IL16: variants seen among roughly 807,000 people sequenced by gnomAD.
IL16 encodes pro-interleukin-16.
In IL16, 67 loss-of-function variants were observed where a neutral mutation model predicts 110.1. The ratio of observed to expected loss-of-function variants is 0.61; its 90% CI spans 0.50 to 0.75. The LOEUF is 0.75. IL16 is among the 30% of genes least tolerant of loss of function. The pLI is 0.00. For synonymous variants in IL16, 689 were observed against 662.9 expected, an observed-to-expected ratio of 1.04 and a Z score of -0.61; for missense variants, 1,545 against 1,655.0, an observed-to-expected ratio of 0.93 and a Z score of 1.15.
Position 81,292,952 on chromosome 15 carries a change from A to G in IL16, c.1817A>G (p.Lys606Arg), listed in dbSNP as rs1340533977. ...AAGCCTCCACCCAGAAAATACTTTA[A>G]AAGTGACAGTGACCCTCAGAAGAGT... ...KPKPPPRKYFKSDSDPQKSLE... is the reference protein window; with the variant it reads ...KPKPPPRKYFRSDSDPQKSLE... Residue 606 changes from lysine to arginine, a missense_variant, in exon 12 of 19, where the codon AAA (lysine) becomes AGA (arginine). Lys to Arg is a conservative substitution (Grantham distance 26). Transcript: ENST00000683961. 14 of 1,614,192 alleles carry G rather than the reference A, an allele frequency of 8.7e-6. No homozygotes were observed. The highest frequency in any genetic ancestry group is 3.3e-5 in the Admixed American group (2 of 60,034).
intron 2 of IL16, among the ~76,000 whole-genome samples, chr15:81,243,857 A>T (rs895512960): frequency 6.6e-6 from 1 of 151,982 alleles, no homozygotes; most frequent in Admixed American, 6.6e-5. Flanking sequence ...GTAGCATTTC[A>T]TTATTATCCT....
At chr15:81,186,353 G>C (rs1895418887) in intron 1 of IL16, among the ~76,000 whole-genome samples, 1 of 152,206 alleles carries the variant, frequency 6.6e-6, no homozygotes, top group Admixed American at 6.5e-5. Context: ...GTTTAACCAG[G>C]TGGTGAGTGG....
chr15:81,192,374 G>A (rs1196750131), upstream of IL16, among the ~76,000 whole-genome samples: 1 of 152,140 alleles, frequency 6.6e-6, no homozygotes, highest in Non-Finnish European at 1.5e-5. Flanking sequence ...GCCAAGGAAG[G>A]AGGACTGCTT....
intron 1 of IL16, among the ~76,000 whole-genome samples, chr15:81,203,462 A>T (rs1454893703): frequency 1.3e-5 from 2 of 152,024 alleles, no homozygotes; most frequent in Admixed American, 6.6e-5. Context: ...TAGGTCTAAC[A>T]TTTAAGTCTT....
intron 1 of IL16, among the ~76,000 whole-genome samples, chr15:81,207,095 G>C (rs964866667): frequency 1.3e-5 from 2 of 151,846 alleles, no homozygotes; most frequent in African/African-American, 4.8e-5. Context: ...AATTAGCCAG[G>C]CGTGGTGGTG....
intron 3 of IL16, among the ~76,000 whole-genome samples, chr15:81,264,215 C>G (rs1898276986): frequency 6.6e-6 from 1 of 152,120 alleles, no homozygotes; most frequent in East Asian, 1.9e-4. Flanking sequence ...CTTCCTCTCC[C>G]TCCTGGTCCA....
chr15:81,269,724 G>T (rs1045017750), intron 5 of IL16, 76 bp downstream of exon 5: 1 of 1,065,680 alleles, frequency 9.4e-7, no homozygotes, highest in Non-Finnish European at 1.5e-6. Flanking sequence ...GTCCAGGGAA[G>T]GATGGGAATA....
chr15:81,224,836 A>G (rs1234632966), intron 1 of IL16, among the ~76,000 whole-genome samples: 5 of 152,210 alleles, frequency 3.3e-5, no homozygotes, highest in Non-Finnish European at 2.9e-5. Context: ...CAAGGGGACC[A>G]GGAAAGTGGA....
chr15:81,283,917 C>T (rs902763042), intron 9 of IL16, among the ~76,000 whole-genome samples: 2 of 150,446 alleles, frequency 1.3e-5, no homozygotes, highest in East Asian at 2.0e-4. Flanking sequence ...GCAGGAGGCT[C>T]ACTTGAGCCA....
intron 2 of IL16, among the ~76,000 whole-genome samples, chr15:81,238,135 C>T (rs1474351249): frequency 6.6e-6 from 1 of 152,204 alleles, no homozygotes; most frequent in South Asian, 2.1e-4. Flanking sequence ...AACTCCTGAC[C>T]TCGTGATCCA....
rs79837781 is a variant in IL16, at chr15:81,189,361, T to C, written c.40+6465T>C. On this transcript the variant is annotated intron_variant, in intron 1 of 18. Transcript: ENST00000302987. ...CTTGTGTCCAACTCCTGATCTCAAA[T>C]GATCCACCTGCCTTGGTCTCCTAAA... Among the ~76,000 whole-genome samples the C allele has an allele frequency of 2.6e-3, 389 of 152,222 alleles. 13 individuals are homozygous for C. In the East Asian group the frequency reaches 0.059, roughly 23 times the overall value.
chr15:81,230,398 T>C (rs961615651), intron 2 of IL16, among the ~76,000 whole-genome samples: 1 of 152,198 alleles, frequency 6.6e-6, no homozygotes, highest in African/African-American at 2.4e-5. Context: ...CCTCTCCTCT[T>C]TCCTCTCTTC....
intron 14 of IL16, among the ~76,000 whole-genome samples, chr15:81,301,089 C>G (rs750196462): frequency 1.3e-5 from 2 of 152,124 alleles, no homozygotes; most frequent in Non-Finnish European, 2.9e-5. Context: ...CCATAGGGTC[C>G]CTGCTGTAGG....
intron 1 of IL16, among the ~76,000 whole-genome samples, chr15:81,189,242 G>A (rs1595931514): frequency 6.6e-6 from 1 of 151,214 alleles, no homozygotes; most frequent in East Asian, 2.0e-4. Context: ...TTTTGCCTCA[G>A]CCTCCCGAGT....
chr15:81,183,275 C>T (rs1354956879), intron 1 of IL16, among the ~76,000 whole-genome samples: 1 of 152,170 alleles, frequency 6.6e-6, no homozygotes, highest in African/African-American at 2.4e-5. Flanking sequence ...AAAACGCTAG[C>T]TGTCAGGGTC....
intron 18 of IL16, 171 bp downstream of exon 18, chr15:81,306,716 C>T: frequency 1.3e-6 from 1 of 790,460 alleles, no homozygotes; most frequent in Non-Finnish European, 2.2e-6. Flanking sequence ...ACTTTTTCTC[C>T]TTTGCTCAGA....
intron 12 of IL16, among the ~76,000 whole-genome samples, chr15:81,294,168 G>A (rs912387773): frequency 6.6e-6 from 1 of 152,196 alleles, no homozygotes; most frequent in African/African-American, 2.4e-5. Flanking sequence ...GAGTAGGAGG[G>A]GTGAAAGTGA....
chr15:81,281,498 C>T (rs903482227), intron 8 of IL16, among the ~76,000 whole-genome samples: 10 of 152,210 alleles, frequency 6.6e-5, no homozygotes, highest in South Asian at 2.1e-4. Flanking sequence ...CTCTGGGTTC[C>T]GGCTTCATCT....
chr15:81,286,915 AAGAG>A (rs1314877759), intron 10 of IL16, among the ~76,000 whole-genome samples: 1 of 152,198 alleles, frequency 6.6e-6, no homozygotes, highest in African/African-American at 2.4e-5. Flanking sequence ...GATGGCAGAC[AAGAG>A]AGAATAAGAG....
Sources: gnomAD v4.1 joint callset for allele counts (sites outside exome capture counted in the v4.1 genomes callset) on GRCh38, gnomAD v4.1.1 for gene constraint, MANE v1.5 for transcripts, NCBI Gene and HGNC (gene_info 2026-07-23, HGNC 2026-07-21) for gene names.